Variants in GNA12 observed in about 807,000 individuals in gnomAD.
GNA12 encodes G protein subunit alpha 12, also known as guanine nucleotide-binding protein subunit alpha-12.
In GNA12, 9 loss-of-function variants were observed where a neutral mutation model predicts 26.0. The observed-to-expected ratio is 0.35, with a 90% CI of 0.21 to 0.60. The LOEUF is 0.60. GNA12 is among the 20% of genes least tolerant of loss of function. The pLI, the probability that GNA12 is intolerant of heterozygous loss-of-function variation, is 0.78. For missense variants in GNA12, 405 were observed against 525.8 expected (o/e 0.77, Z 2.25); for synonymous variants, 264 against 219.6 (o/e 1.20, Z -1.79).
At chr7:2,768,255 C>A (rs536913911) in intron 2 of GNA12, among the ~76,000 whole-genome samples, 1 of 152,174 alleles carries the variant, frequency 6.6e-6, no homozygotes, top group Non-Finnish European at 1.5e-5. Context: ...AATAAGTGAT[C>A]GGAAATGGTT....
At chr7:2,764,320 T>G (rs867799028) in intron 2 of GNA12, among the ~76,000 whole-genome samples, 30 of 150,020 alleles carry the variant, frequency 2.0e-4, no homozygotes, top group South Asian at 1.1e-3. Context: ...TAGGCTGGAG[T>G]GATCCTCCCA....
At chr7:2,733,033 G>T (rs964217858) in intron 3 of GNA12, among the ~76,000 whole-genome samples, 4 of 152,200 alleles carry the variant, frequency 2.6e-5, no homozygotes, top group African/African-American at 9.7e-5. Context: ...TTTTCGTCTT[G>T]TCTTTTTGAG....
intron 1 of GNA12, chr7:2,835,634 T>C (rs900970812): frequency 1.3e-5 from 11 of 817,466 alleles, no homozygotes; most frequent in Non-Finnish European, 4.2e-6. Flanking sequence ...GTGGCCACCA[T>C]GAAGAAGACG....
At chr7:2,761,046 A>C (rs868096079) in intron 2 of GNA12, among the ~76,000 whole-genome samples, 1 of 152,204 alleles carries the variant, frequency 6.6e-6, no homozygotes, top group African/African-American at 2.4e-5. Flanking sequence ...CAAAACAATG[A>C]CATGTAAACG....
At chr7:2,840,067 G>A (rs1394273232) in intron 1 of GNA12, among the ~76,000 whole-genome samples, 1 of 152,160 alleles carries the variant, frequency 6.6e-6, no homozygotes, top group Non-Finnish European at 1.5e-5. Context: ...CTACAAAAGA[G>A]CAACATGAAG....
At chr7:2,820,353 G>C (rs1185371432) in intron 1 of GNA12, among the ~76,000 whole-genome samples, 2 of 149,836 alleles carry the variant, frequency 1.3e-5, no homozygotes, top group Non-Finnish European at 3.0e-5. Flanking sequence ...TGAATTGTAG[G>C]CTTTAAATGA....
chr7:2,743,052 G>C (rs1429095100), intron 2 of GNA12, among the ~76,000 whole-genome samples: 1 of 152,166 alleles, frequency 6.6e-6, no homozygotes, highest in Non-Finnish European at 1.5e-5. Flanking sequence ...AGAACAAGAG[G>C]ACAGAGCTGG....
intron 2 of GNA12, among the ~76,000 whole-genome samples, chr7:2,744,269 C>G (rs558809902): frequency 1.3e-5 from 2 of 152,220 alleles, no homozygotes; most frequent in Non-Finnish European, 2.9e-5. Flanking sequence ...AGGCACCCCC[C>G]AGTAGGGGCG....
chr7:2,839,160 T>C (rs946224139), intron 1 of GNA12, among the ~76,000 whole-genome samples: 3 of 152,118 alleles, frequency 2.0e-5, no homozygotes, highest in Non-Finnish European at 4.4e-5. Flanking sequence ...TTAAAAGAAG[T>C]GAAACCATAC....
chr7:2,745,237 A>C, intron 2 of GNA12, among the ~76,000 whole-genome samples: 1 of 152,268 alleles, frequency 6.6e-6, no homozygotes, highest in Non-Finnish European at 1.5e-5. Flanking sequence ...CAAAGTTGAA[A>C]TGAAGGAAAA....
At chr7:2,809,901 G>T (rs1258786492) in intron 1 of GNA12, among the ~76,000 whole-genome samples, 1 of 152,072 alleles carries the variant, frequency 6.6e-6, no homozygotes, top group Non-Finnish European at 1.5e-5. Context: ...TATGTAAATA[G>T]TATTTAGTAA....
chr7:2,803,998 C>T (rs1251767450), intron 1 of GNA12, among the ~76,000 whole-genome samples: 1 of 152,218 alleles, frequency 6.6e-6, no homozygotes, highest in Non-Finnish European at 1.5e-5. Context: ...CTCTCCTGTT[C>T]TTCCAGGGGT....
chr7:2,780,167 G>C (rs1189051709), intron 2 of GNA12, among the ~76,000 whole-genome samples: 3 of 148,730 alleles, frequency 2.0e-5, no homozygotes, highest in African/African-American at 7.5e-5. Context: ...TGATGCGTCA[G>C]GGACTTCTTT....
chr7:2,767,792 G>A (rs1390515630), intron 2 of GNA12, among the ~76,000 whole-genome samples: 1 of 152,206 alleles, frequency 6.6e-6, no homozygotes, highest in African/African-American at 2.4e-5. Context: ...AATAAAATCT[G>A]AGAATATTTC....
chr7:2,737,075 C>G (rs1790219455), intron 2 of GNA12, among the ~76,000 whole-genome samples: 1 of 152,098 alleles, frequency 6.6e-6, no homozygotes, highest in Admixed American at 6.5e-5. Context: ...AAAGACAGCC[C>G]ATGTGTGGGT....
rs1583280526 is a variant in GNA12 at position 2,786,545 on chromosome 7, CAT to C, written c.525+8381_525+8382del. On this transcript the variant is annotated intron_variant, in intron 2 of 3. Transcript: ENST00000275364. Reference sequence around the variant, plus strand: ...ACTTACAGAAAACTAAACGTATAAACATATTATATCTCTGTCTGTCTGTCTAT... The same window carrying C: ...ACTTACAGAAAACTAAACGTATAAACATTATATCTCTGTCTGTCTGTCTAT... 2.0e-5 allele frequency among the ~76,000 whole-genome samples: 3 copies of C among 152,144 alleles called. No individual in the cohort carries two copies. In the East Asian group the frequency reaches 5.8e-4, roughly 29 times the overall value.
chr7:2,740,426 C>G (rs1246261960), intron 2 of GNA12, among the ~76,000 whole-genome samples: 1 of 152,172 alleles, frequency 6.6e-6, no homozygotes, highest in Non-Finnish European at 1.5e-5. Flanking sequence ...CAGTGAGAAG[C>G]TGGCCGTCTG....
At chr7:2,766,220 C>T (rs183496133) in intron 2 of GNA12, among the ~76,000 whole-genome samples, 1 of 152,220 alleles carries the variant, frequency 6.6e-6, no homozygotes, top group African/African-American at 2.4e-5. Flanking sequence ...CATACTTCTG[C>T]GACTGGCTTA....
At chr7:2,799,194 A>G (rs559986477) in intron 1 of GNA12, among the ~76,000 whole-genome samples, 1 of 152,352 alleles carries the variant, frequency 6.6e-6, no homozygotes, top group East Asian at 1.9e-4. Flanking sequence ...AAGAGGCTGA[A>G]AAGAAGCTAT....
Sources: gnomAD v4.1 joint callset for allele counts (sites outside exome capture counted in the v4.1 genomes callset) on GRCh38, gnomAD v4.1.1 for gene constraint, MANE v1.5 for transcripts, NCBI Gene and HGNC (gene_info 2026-07-23, HGNC 2026-07-21) for gene names.